Variants in NELL2 observed in about 807,000 individuals in gnomAD.
NELL2 encodes the protein protein kinase C-binding protein NELL2.
Under a neutral mutation model 109.6 loss-of-function variants are expected in NELL2, and 41 were observed. The observed-to-expected ratio is 0.37, with a 90% CI of 0.29 to 0.49. The LOEUF is 0.49. NELL2 is among the 20% of genes least tolerant of loss of function. The pLI, the probability that NELL2 is intolerant of heterozygous loss-of-function variation, is 0.98. For synonymous variants in NELL2, 355 were observed against 344.7 expected, an observed-to-expected ratio of 1.03 and a Z score of -0.33; for missense variants, 900 against 1,008.3, an observed-to-expected ratio of 0.89 and a Z score of 1.45.
chr12:44,837,233 G>C (rs1249968102), intron 2 of NELL2, among the ~76,000 whole-genome samples: 1 of 152,132 alleles, frequency 6.6e-6, no homozygotes, highest in African/African-American at 2.4e-5. Flanking sequence ...ATTTGTTCTA[G>C]GTCAGAGTTT....
intron 15 of NELL2, among the ~76,000 whole-genome samples, chr12:44,602,161 A>T (rs955079225): frequency 3.9e-5 from 6 of 152,206 alleles, no homozygotes; most frequent in African/African-American, 1.4e-4. Flanking sequence ...CCTAATTCAC[A>T]CAAAGTTCAT....
chr12:44,649,062 G>A (rs55996511), intron 13 of NELL2, among the ~76,000 whole-genome samples: 17,842 of 151,708 alleles, frequency 0.12, 1,246 homozygotes, highest in East Asian at 0.21. Flanking sequence ...CACTGTGCCC[G>A]GCCACAATGC....
intron 9 of NELL2, among the ~76,000 whole-genome samples, chr12:44,739,817 G>C (rs1939851713): frequency 6.6e-6 from 1 of 152,142 alleles, no homozygotes; most frequent in Non-Finnish European, 1.5e-5. Flanking sequence ...CTTGAACTGG[G>C]AAGTGGAGGC....
At chr12:44,714,094 C>T (rs1174289919) in intron 10 of NELL2, among the ~76,000 whole-genome samples, 3 of 151,752 alleles carry the variant, frequency 2.0e-5, no homozygotes, top group African/African-American at 7.3e-5. Context: ...TTTAGTTTTT[C>T]AATTAGTAGG....
chr12:44,668,478 A>C (rs1273987760), intron 12 of NELL2, among the ~76,000 whole-genome samples: 1 of 152,006 alleles, frequency 6.6e-6, no homozygotes, highest in Non-Finnish European at 1.5e-5. Context: ...CTGAGGATTG[A>C]TCCATCCTAC....
chr12:44,836,176 C>G (rs1944048539), intron 2 of NELL2, among the ~76,000 whole-genome samples: 1 of 152,204 alleles, frequency 6.6e-6, no homozygotes, highest in East Asian at 1.9e-4. Context: ...TTGGAACACA[C>G]AGAAAAGCTA....
At chr12:44,913,892 T>A (rs1166022573) in exon 1 of NELL2, 2 of 560,032 alleles carry the variant, frequency 3.6e-6, no homozygotes, top group Non-Finnish European at 5.9e-6. Context: ...GAATAAAGCA[T>A]CTTCCTTATT....
chr12:44,755,786 C>A (rs1008939846), intron 9 of NELL2, among the ~76,000 whole-genome samples: 1 of 152,150 alleles, frequency 6.6e-6, no homozygotes, highest in African/African-American at 2.4e-5. Context: ...ATATAAATAT[C>A]TTTAAGTCTC....
chr12:44,683,480 G>A (rs1007715162), intron 12 of NELL2, among the ~76,000 whole-genome samples: 3 of 151,864 alleles, frequency 2.0e-5, no homozygotes, highest in Non-Finnish European at 4.4e-5. Flanking sequence ...GTGAGAGAGG[G>A]CATCCCTGTC....
intron 9 of NELL2, among the ~76,000 whole-genome samples, chr12:44,763,434 C>T (rs1227307193): frequency 6.6e-6 from 1 of 152,090 alleles, no homozygotes; most frequent in African/African-American, 2.4e-5. Context: ...TTTCCTCTTT[C>T]TCAAAGCATA....
chr12:44,813,829 T>C (rs1943252425), intron 3 of NELL2, among the ~76,000 whole-genome samples: 1 of 152,184 alleles, frequency 6.6e-6, no homozygotes, highest in South Asian at 2.1e-4. Context: ...AATAAATACA[T>C]TTAAAGCCCT....
At chr12:44,903,783 C>T (rs1368650520) in intron 1 of NELL2, among the ~76,000 whole-genome samples, 1 of 150,176 alleles carries the variant, frequency 6.7e-6, no homozygotes, top group African/African-American at 2.5e-5. Flanking sequence ...CAAACTAACA[C>T]AGGAACAGAT....
intron 9 of NELL2, among the ~76,000 whole-genome samples, chr12:44,721,888 C>T (rs1212848126): frequency 6.6e-6 from 1 of 152,056 alleles, no homozygotes; most frequent in African/African-American, 2.4e-5. Flanking sequence ...AATGCAGTTT[C>T]ATGACAGCTA....
chr12:44,914,758 G>C (rs1464282826), upstream of NELL2, among the ~76,000 whole-genome samples: 1 of 152,110 alleles, frequency 6.6e-6, no homozygotes, highest in East Asian at 1.9e-4. Flanking sequence ...TATACTCCTG[G>C]AGTGTAGAGA....
chr12:44,533,999 A>G (rs1942195151), intron 15 of NELL2, among the ~76,000 whole-genome samples: 1 of 152,098 alleles, frequency 6.6e-6, no homozygotes, highest in Non-Finnish European at 1.5e-5. Context: ...GCACAATGAC[A>G]TCCTTCAAGT....
At chr12:44,658,895 A>AAG (rs1419754257) in intron 13 of NELL2, among the ~76,000 whole-genome samples, 2 of 150,624 alleles carry the variant, frequency 1.3e-5, no homozygotes, top group Non-Finnish European at 3.0e-5. Context: ...AAAAAAAAAA[A>AAG]AAAAGAAAAG....
intron 1 of NELL2, among the ~76,000 whole-genome samples, chr12:44,898,900 G>A: frequency 6.6e-6 from 1 of 152,146 alleles, no homozygotes; most frequent in East Asian, 1.9e-4. Context: ...AAGCAGTTGA[G>A]AGAAGAACAT....
chr12:44,587,284 A>AAAAAAAAAAATAT lies in NELL2; in HGVS notation c.1663+19884_1663+19885insATATTTTTTTTTT. Among the ~76,000 whole-genome samples the AAAAAAAAAAATAT allele has an allele frequency of 7.8e-4, 56 of 72,196 alleles. 1 individual carries two copies. The highest frequency in any genetic ancestry group is 1.1e-3 in the Non-Finnish European group (42 of 37,234). 47.4% of individuals were successfully genotyped at this position (72,196 alleles called of 152,430 possible). ...AAGACTCCGTCTCAAAAAAAAAAAA[A>AAAAAAAAAAATAT]ATATATATATATATATATATATATT... On this transcript the variant is annotated intron_variant, in intron 15 of 19. Transcript: ENST00000429094.
At chr12:44,528,272 T>C (rs923478618) in intron 16 of NELL2, among the ~76,000 whole-genome samples, 19 of 152,184 alleles carry the variant, frequency 1.2e-4, no homozygotes, top group African/African-American at 3.9e-4. Context: ...ACTGCTCCTA[T>C]GTTTGCGGGT....
Sources: allele counts gnomAD v4.1 joint callset (sites outside exome capture counted in the v4.1 genomes callset), GRCh38; gene constraint gnomAD v4.1.1; transcripts MANE v1.5; gene names NCBI Gene and HGNC (gene_info 2026-07-23, HGNC 2026-07-21).